Variants in VDAC3 observed in about 807,000 individuals in gnomAD.
The protein encoded by VDAC3 is non-selective voltage-gated ion channel VDAC3.
A neutral mutation model predicts 33.9 loss-of-function variants in VDAC3; 7 were observed. The ratio of observed to expected loss-of-function variants is 0.21; its 90% CI spans 0.12 to 0.39. The LOEUF (loss-of-function observed/expected upper bound fraction) is 0.39. Ranked by LOEUF, VDAC3 falls within the 10% of genes least tolerant of loss-of-function variation. The pLI is 1.00. For missense variants in VDAC3, 261 were observed against 334.5 expected, an observed-to-expected ratio of 0.78 and a Z score of 1.71; for synonymous variants, 100 against 122.4, an observed-to-expected ratio of 0.82 and a Z score of 1.21.
At chr8:42,392,307 A>G (rs960270054) in intron 1 of VDAC3, among the ~76,000 whole-genome samples, 2 of 152,218 alleles carry the variant, frequency 1.3e-5, no homozygotes, top group African/African-American at 4.8e-5. Flanking sequence ...CCTGCGTGCA[A>G]TTCAAAACGG....
At chr8:42,396,028 C>A (rs191833454) in intron 4 of VDAC3, among the ~76,000 whole-genome samples, 83 of 149,362 alleles carry the variant, frequency 5.6e-4, no homozygotes, top group African/African-American at 1.6e-3. Context: ...GAGGCCAAGG[C>A]GGGCGGATCA....
intron 6 of VDAC3, among the ~76,000 whole-genome samples, 161 bp downstream of exon 6, chr8:42,399,864 G>C (rs1173807396): frequency 6.6e-6 from 1 of 152,150 alleles, no homozygotes; most frequent in Non-Finnish European, 1.5e-5. Context: ...GATAAAGGAA[G>C]ATCCCTCCCC....
chr8:42,395,487 A>G (rs1802294483), intron 4 of VDAC3, among the ~76,000 whole-genome samples: 3 of 152,274 alleles, frequency 2.0e-5, no homozygotes, highest in Admixed American at 2.0e-4. Context: ...TTACAAAAAC[A>G]AATTAACTTT....
rs1213782504 is a variant in VDAC3 at position 42,398,861 on chromosome 8, T to C, written c.267T>C (p.Asn89=). ...NTLGTEISWE[N]KLAEGLKLTL... ...TAGGGACAGAAATCTCTTGGGAGAA[T>C]AAGGTAAGAGAACGCATTAGAAGTT... The change falls in exon 5 of 10, where the codon AAT becomes AAC. Residue 89 remains asparagine, a synonymous_variant. Coordinates refer to ENST00000022615, the MANE Select transcript of VDAC3 (RefSeq NM_005662.7). The C allele has an allele frequency of 6.2e-7, 1 of 1,613,276 alleles. No homozygotes were observed. Among genetic ancestry groups the C allele is most frequent in the Non-Finnish European group, 8.5e-7 (1 of 1,179,880 alleles).
chr8:42,394,166 C>T (rs746442669), intron 2 of VDAC3, 44 bp from the exon 3 acceptor site: 2 of 1,547,092 alleles, frequency 1.3e-6, no homozygotes, highest in South Asian at 2.2e-5. Flanking sequence ...TGAATAAATA[C>T]TAAATGGTTA....
chr8:42,395,691 G>A (rs554599555), intron 4 of VDAC3, among the ~76,000 whole-genome samples: 18 of 152,282 alleles, frequency 1.2e-4, no homozygotes, highest in Admixed American at 3.9e-4. Flanking sequence ...TGGGTGCAGC[G>A]GCTCACACCT....
At chr8:42,397,909 A>G (rs1802343961) in intron 4 of VDAC3, among the ~76,000 whole-genome samples, 1 of 152,218 alleles carries the variant, frequency 6.6e-6, no homozygotes, top group Non-Finnish European at 1.5e-5. Flanking sequence ...CACTTAAAAC[A>G]TTATTAAAAT....
chr8:42,402,320 G>A (rs1024370955), intron 7 of VDAC3, among the ~76,000 whole-genome samples: 4 of 152,190 alleles, frequency 2.6e-5, no homozygotes, highest in African/African-American at 9.7e-5. Flanking sequence ...ATGACCCTTT[G>A]GAGATGTTAC....
At chr8:42,397,856 G>T (rs1338616438) in intron 4 of VDAC3, among the ~76,000 whole-genome samples, 1 of 152,126 alleles carries the variant, frequency 6.6e-6, no homozygotes, top group Non-Finnish European at 1.5e-5. Flanking sequence ...AAGCATTAAA[G>T]TTTTCACAGC....
chr8:42,396,599 T>A (rs1802321808), intron 4 of VDAC3: 6 of 675,160 alleles, frequency 8.9e-6, no homozygotes, highest in Non-Finnish European at 1.6e-5. Context: ...AATTTGCTCA[T>A]TAGGTTTGTG....
At chr8:42,396,350 T>G (rs1376764007) in intron 4 of VDAC3, among the ~76,000 whole-genome samples, 1 of 152,216 alleles carries the variant, frequency 6.6e-6, no homozygotes, top group East Asian at 1.9e-4. Context: ...GGCTGCATCG[T>G]TTTTGGTATT....
At chr8:42,396,015 T>C (rs1802304963) in intron 4 of VDAC3, among the ~76,000 whole-genome samples, 1 of 150,684 alleles carries the variant, frequency 6.6e-6, no homozygotes, top group African/African-American at 2.4e-5. Flanking sequence ...CCCAGCACTT[T>C]GGGAGGCCAA....
rs770042267 is a variant in VDAC3, at chr8:42,402,022, G to T, written c.551+7G>T. On this transcript the variant is annotated splice_region_variant and intron_variant, in intron 7 of 9. Coordinates refer to ENST00000022615, the MANE Select transcript of VDAC3 (RefSeq NM_005662.7). Reference sequence around the variant, plus strand: ...TCCAGCTGCACACACATGTGTGAGTGTTTATAATTTATTCCTTAGTATCAG... The same window carrying T: ...TCCAGCTGCACACACATGTGTGAGTTTTTATAATTTATTCCTTAGTATCAG... 14 of 1,613,502 alleles carry T rather than the reference G, an allele frequency of 8.7e-6. No homozygotes were observed. Among genetic ancestry groups the T allele is most frequent in the Non-Finnish European group, 1.2e-5 (14 of 1,179,526 alleles).
intron 4 of VDAC3, among the ~76,000 whole-genome samples, chr8:42,397,858 T>G (rs1203174552): frequency 1.3e-5 from 2 of 152,218 alleles, no homozygotes; most frequent in African/African-American, 2.4e-5. Flanking sequence ...GCATTAAAGT[T>G]TTCACAGCAG....
At chr8:42,404,559 C>G (rs909578758) in intron 8 of VDAC3, among the ~76,000 whole-genome samples, 21 of 151,952 alleles carry the variant, frequency 1.4e-4, no homozygotes, top group Non-Finnish European at 8.8e-5. Context: ...CCCGTCTCTA[C>G]TAAAAATACA....
intron 9 of VDAC3, 91 bp from the exon 10 acceptor site, chr8:42,405,280 C>T (rs1382923757): frequency 2.8e-6 from 3 of 1,063,636 alleles, no homozygotes; most frequent in Non-Finnish European, 4.3e-6. Context: ...CAGCTACAAT[C>T]CACACCATTG....
intron 7 of VDAC3, 200 bp from the exon 8 acceptor site, chr8:42,403,111 C>T: frequency 5.1e-6 from 3 of 587,220 alleles, no homozygotes; most frequent in Middle Eastern, 4.6e-4. Context: ...CAAGTGTTAA[C>T]GTTTTAATTA....
rs56769990 is a variant in VDAC3, at chr8:42,403,877, C to CAA, written c.702+435_702+436dup. Among the ~76,000 whole-genome samples the CAA allele has an allele frequency of 8.1e-4, 72 of 88,718 alleles. 3 individuals are homozygous for CAA. The highest frequency in any genetic ancestry group is 0.011 in the Middle Eastern group (1 of 92). 58.2% of individuals were successfully genotyped at this position (88,718 alleles called of 152,430 possible). Reference sequence around the variant, plus strand: ...TGGGTGACAGAGCGAGAGCCTATCTCAAAAAAAAAAAAAAAAAAAATTATG... The same window carrying CAA: ...TGGGTGACAGAGCGAGAGCCTATCTCAAAAAAAAAAAAAAAAAAAAAATTATG... On this transcript the variant is annotated intron_variant, in intron 8 of 9. Transcript: ENST00000022615.
intron 7 of VDAC3, among the ~76,000 whole-genome samples, chr8:42,402,582 G>T (rs966217392): frequency 2.0e-5 from 3 of 152,146 alleles, no homozygotes; most frequent in Admixed American, 6.6e-5. Flanking sequence ...GAACTTTTAC[G>T]TAGTATTTTA....
Sources: allele counts gnomAD v4.1 joint callset (sites outside exome capture counted in the v4.1 genomes callset), GRCh38; gene constraint gnomAD v4.1.1; transcripts MANE v1.5; gene names NCBI Gene and HGNC (gene_info 2026-07-23, HGNC 2026-07-21).